Variants in NDUFAF5 observed in about 807,000 individuals in gnomAD.
NDUFAF5 encodes the protein NADH:ubiquinone oxidoreductase complex assembly factor 5, also known as arginine-hydroxylase NDUFAF5, mitochondrial.
In NDUFAF5, 34 loss-of-function variants were observed where a neutral mutation model predicts 48.9. That is an observed-to-expected ratio of 0.70 (90% CI 0.53 to 0.93). The LOEUF (loss-of-function observed/expected upper bound fraction) is 0.93, where lower values mean the gene tolerates loss of function less well. Among genes scored for constraint, NDUFAF5 ranks in the 40% least tolerant of loss-of-function variants. The pLI is 0.00. For synonymous variants in NDUFAF5, 153 were observed against 150.6 expected (o/e 1.02, Z -0.12); for missense variants, 428 against 427.5 (o/e 1.00, Z -0.01).
chr20:13,787,283 G>A (rs202245935), intron 1 of NDUFAF5, 29 bp from the exon 2 acceptor site: 586 of 1,613,178 alleles, frequency 3.6e-4, no homozygotes, highest in Middle Eastern at 1.3e-3. Context: ...TTACTTCCCC[G>A]TTAACCTACG....
intron 2 of NDUFAF5, among the ~76,000 whole-genome samples, chr20:13,788,226 A>G (rs1285325407): frequency 1.3e-5 from 2 of 152,264 alleles, no homozygotes; most frequent in Non-Finnish European, 2.9e-5. Flanking sequence ...TCTGAGAAAT[A>G]GGGATAATTA....
chr20:13,797,688 CTTAGAAT>C (rs1386288582), intron 5 of NDUFAF5, among the ~76,000 whole-genome samples: 3 of 152,062 alleles, frequency 2.0e-5, no homozygotes, highest in African/African-American at 4.8e-5. Context: ...TATCCAAACC[CTTAGAAT>C]ATACAACACC....
rs749490197 is a variant in NDUFAF5, at chr20:13,820,612, C to T, written c.*3402C>T. ...AGAAGGCTGAGGTGGGAGTATTGAT[C>T]GAGCCCAGGAGGTCAAGGCTGCAGC... On this transcript the variant is annotated 3_prime_UTR_variant, in exon 11 of 11. Transcript: ENST00000378106. 1.4e-4 allele frequency: 22 copies of T among 151,868 alleles called. No homozygotes were observed. The South Asian group carries it at 2.5e-3, about 17-fold the overall frequency. 9.4% of individuals were successfully genotyped at this position (151,868 alleles called of 1,614,324 possible). A position where few individuals can be genotyped will look rare whatever the true frequency, so the allele number is the denominator to read the frequency against.
rs71188188 is a variant in NDUFAF5 at position 13,818,443 on chromosome 20, G to GTT, written c.*1246_*1247dup. 712 of 295,768 alleles carry GTT rather than the reference G, an allele frequency of 2.4e-3. 1 individual carries two copies. The highest frequency in any genetic ancestry group is 9.5e-3 in the African/African-American group (405 of 42,720). The allele number at this position is 295,768 out of a possible 1,614,324, so 18.3% of individuals were successfully genotyped here. A position where few individuals can be genotyped will look rare whatever the true frequency, so the allele number is the denominator to read the frequency against. ...AGAATTTGGCGTTTTGTTTTTTGGG[G>GTT]TTTTTTTTTTTTTTAGCTTAATTTT... On this transcript the variant is annotated 3_prime_UTR_variant, in exon 11 of 11. Coordinates refer to ENST00000378106, the MANE Select transcript of NDUFAF5 (RefSeq NM_024120.5).
intron 5 of NDUFAF5, among the ~76,000 whole-genome samples, chr20:13,796,017 C>T (rs1983157654): frequency 6.6e-6 from 1 of 152,154 alleles, no homozygotes; most frequent in African/African-American, 2.4e-5. Context: ...TCAAATAACT[C>T]AGTCTAACAG....
chr20:13,787,406 G>C, intron 2 of NDUFAF5, 54 bp downstream of exon 2: 1 of 1,516,138 alleles, frequency 6.6e-7, no homozygotes, highest in South Asian at 1.1e-5. Context: ...GGAAATTCAG[G>C]AGATTAAATG....
chr20:13,803,804 G>A (rs548400304), intron 7 of NDUFAF5, among the ~76,000 whole-genome samples: 2 of 151,108 alleles, frequency 1.3e-5, no homozygotes, highest in South Asian at 4.2e-4. Flanking sequence ...TTTTTTGGGG[G>A]GGGGACAGTT....
intron 3 of NDUFAF5, among the ~76,000 whole-genome samples, chr20:13,792,061 C>A (rs1403055511): frequency 1.3e-5 from 2 of 152,140 alleles, no homozygotes; most frequent in African/African-American, 4.8e-5. Context: ...CTGCCTATAC[C>A]CTGAAGTCTA....
At chr20:13,814,866 C>G (rs1014567041) in intron 8 of NDUFAF5, among the ~76,000 whole-genome samples, 6 of 152,118 alleles carry the variant, frequency 3.9e-5, no homozygotes, top group African/African-American at 1.4e-4. Context: ...CAGATTCTTT[C>G]CACCACCCTC....
At chr20:13,801,963 C>A in intron 7 of NDUFAF5, 1 of 355,076 alleles carries the variant, frequency 2.8e-6, no homozygotes, top group South Asian at 3.0e-5. Context: ...ACATACAACT[C>A]CATTAGAATC....
Position 13,788,718 on chromosome 20 carries a change from T to G in NDUFAF5, c.327+66T>G, listed in dbSNP as rs1431534603. On this transcript the variant is annotated intron_variant, in intron 3 of 10. Coordinates refer to ENST00000378106, the MANE Select transcript of NDUFAF5 (RefSeq NM_024120.5). ...ATTGGCTAATTTTAAAGAAAGACTT[T>G]CCTAATCAGTTTAGCTTGCAACATA... is the stretch of plus-strand genomic sequence containing the variant. 1.2e-5 allele frequency: 13 copies of G among 1,048,554 alleles called. No homozygotes were observed. In the East Asian group the frequency reaches 2.9e-4, roughly 23 times the overall value. 65.0% of individuals were successfully genotyped at this position (1,048,554 alleles called of 1,614,324 possible).
chr20:13,809,938 T>C (rs536966031), intron 8 of NDUFAF5, among the ~76,000 whole-genome samples: 2 of 152,336 alleles, frequency 1.3e-5, no homozygotes. Flanking sequence ...ATGGTGTCCT[T>C]CATTGATAGA....
chr20:13,798,556 A>G (rs1983616349), intron 6 of NDUFAF5, 56 bp downstream of exon 6: 1 of 1,305,418 alleles, frequency 7.7e-7, no homozygotes, highest in Admixed American at 1.7e-5. Context: ...ATTGTTAGAA[A>G]TCTACAGATG....
chr20:13,790,486 G>A (rs1982101887), intron 3 of NDUFAF5, among the ~76,000 whole-genome samples: 1 of 151,898 alleles, frequency 6.6e-6, no homozygotes. Context: ...AGCTATCATC[G>A]CCCCTTGCCT....
intron 9 of NDUFAF5, 41 bp from the exon 10 acceptor site, chr20:13,816,834 A>C: frequency 7.3e-7 from 1 of 1,378,112 alleles, no homozygotes; most frequent in Non-Finnish European, 1.0e-6. Flanking sequence ...ATTTTTTCCT[A>C]CTTGCATTTT....
rs969244578 is a variant in NDUFAF5, at chr20:13,819,709, C to G, written c.*2499C>G. 6 of 152,180 alleles carry G rather than the reference C, an allele frequency of 3.9e-5. No individual in the cohort carries two copies. The highest frequency in any genetic ancestry group is 1.2e-4 in the African/African-American group (5 of 41,444). 9.4% of individuals were successfully genotyped at this position (152,180 alleles called of 1,614,324 possible). ...AACCCCACAGATAATATCATAAACT[C>G]AAGTTGTCTGTATTGCTTCTTCCCA... On this transcript the variant is annotated 3_prime_UTR_variant, in exon 11 of 11. Transcript: ENST00000378106.
chr20:13,818,443 G>GTTTT lies in NDUFAF5; in HGVS notation c.*1244_*1247dup. 1 of 297,078 alleles carries GTTTT rather than the reference G, an allele frequency of 3.4e-6. No individual in the cohort carries two copies. Among genetic ancestry groups the GTTTT allele is most frequent in the African/African-American group, 2.3e-5 (1 of 42,716 alleles). The allele number at this position is 297,078 out of a possible 1,614,324, so 18.4% of individuals were successfully genotyped here. On this transcript the variant is annotated 3_prime_UTR_variant, in exon 11 of 11. Transcript: ENST00000378106. The stretch of plus-strand genomic sequence containing the variant: ...AGAATTTGGCGTTTTGTTTTTTGGG[G>GTTTT]TTTTTTTTTTTTTTAGCTTAATTTT...
intron 6 of NDUFAF5, 85 bp from the exon 7 acceptor site, chr20:13,801,401 T>C: frequency 2.4e-6 from 2 of 820,246 alleles, no homozygotes; most frequent in Non-Finnish European, 3.7e-6. Context: ...TGTCATAAAA[T>C]GTTAATTTAG....
At chr20:13,793,686 G>C (rs1435690030) in intron 4 of NDUFAF5, among the ~76,000 whole-genome samples, 1 of 152,222 alleles carries the variant, frequency 6.6e-6, no homozygotes, top group Non-Finnish European at 1.5e-5. Context: ...CAACACTGCA[G>C]TGAAAATCCT....
Sources: allele counts gnomAD v4.1 joint callset (sites outside exome capture counted in the v4.1 genomes callset), GRCh38; gene constraint gnomAD v4.1.1; transcripts MANE v1.5; gene names NCBI Gene and HGNC (gene_info 2026-07-23, HGNC 2026-07-21).